SCAF8: variants seen among roughly 807,000 people sequenced by gnomAD.
The protein encoded by SCAF8 is SR-related and CTD-associated factor 8.
Under a neutral mutation model 140.5 loss-of-function variants are expected in SCAF8, and 23 were observed. The ratio of observed to expected loss-of-function variants is 0.16; its 90% confidence interval spans 0.12 to 0.23. The LOEUF is 0.23. Among genes scored for constraint, SCAF8 ranks in the 10% least tolerant of loss-of-function variants. SCAF8 has a pLI of 1.00. For missense variants in SCAF8, 1,397 were observed against 1,555.7 expected (o/e 0.90, Z 1.72); for synonymous variants, 575 against 528.9 (o/e 1.09, Z -1.20).
intron 2 of SCAF8, among the ~76,000 whole-genome samples, chr6:154,776,242 G>T (rs1776913050): frequency 6.6e-6 from 1 of 151,466 alleles, no homozygotes; most frequent in Non-Finnish European, 1.5e-5. Flanking sequence ...GAAGCGTCTA[G>T]ACCAGTTGTT....
chr6:154,798,907 C>T (rs1777685804), intron 6 of SCAF8, among the ~76,000 whole-genome samples: 1 of 151,376 alleles, frequency 6.6e-6, no homozygotes, highest in Admixed American at 6.6e-5. Context: ...TGAAGCGATC[C>T]TCCCGCCTCA....
In SCAF8 at chr6:154,831,013, C is replaced by G; in HGVS notation, c.2232C>G (p.Ser744Arg). The G allele has an allele frequency of 1.9e-6, 3 of 1,614,060 alleles. No homozygotes were observed. Among genetic ancestry groups the G allele is most frequent in the Non-Finnish European group, 2.5e-6 (3 of 1,179,920 alleles). ...SLVIPGGSVA[S>R]NLATSALPAG... ...TTATACCAGGCGGTTCTGTTGCCAGCAATCTTGCTACTTCCGCTCTGCCAG... is the reference window on the plus strand; with the variant it reads ...TTATACCAGGCGGTTCTGTTGCCAGGAATCTTGCTACTTCCGCTCTGCCAG... The change falls in exon 19 of 20, where the codon AGC (serine) becomes AGG (arginine). Residue 744 changes from serine to arginine, a missense_variant. Transcript: ENST00000367178.
At chr6:154,805,561 CTT>C (rs555378273) in intron 9 of SCAF8, 75 bp downstream of exon 9, 928 of 482,580 alleles carry the variant, frequency 1.9e-3, no homozygotes, top group South Asian at 4.7e-3. Context: ...TGTGGGTTGG[CTT>C]TTTTTTTTTT....
At chr6:154,822,843 A>G (rs372052594) in intron 16 of SCAF8, among the ~76,000 whole-genome samples, 2 of 152,210 alleles carry the variant, frequency 1.3e-5, no homozygotes, top group Non-Finnish European at 2.9e-5. Flanking sequence ...TCTTCTAGGT[A>G]TCAGTGAAAA....
intron 4 of SCAF8, among the ~76,000 whole-genome samples, chr6:154,789,697 C>T (rs1777358978): frequency 1.3e-5 from 2 of 152,010 alleles, no homozygotes; most frequent in South Asian, 4.1e-4. Context: ...AGGCTTATGC[C>T]ACCCTGCCCA....
At chr6:154,823,980 A>C (rs1258835062) in intron 16 of SCAF8, among the ~76,000 whole-genome samples, 1 of 152,192 alleles carries the variant, frequency 6.6e-6, no homozygotes, top group Non-Finnish European at 1.5e-5. Flanking sequence ...GTGTTGAACT[A>C]GGTGACCATT....
At chr6:154,744,613 G>T (rs1778651298) in intron 1 of SCAF8, among the ~76,000 whole-genome samples, 1 of 152,098 alleles carries the variant, frequency 6.6e-6, no homozygotes, top group South Asian at 2.1e-4. Flanking sequence ...ATTAGAGCAG[G>T]GATTAGAAGG....
At chr6:154,790,930 G>A (rs1277303358) in intron 4 of SCAF8, among the ~76,000 whole-genome samples, 3 of 152,122 alleles carry the variant, frequency 2.0e-5, no homozygotes, top group Non-Finnish European at 4.4e-5. Flanking sequence ...TTAAACAGTT[G>A]TGAATCAGAT....
At position 154,733,529 on chromosome 6, in the gene SCAF8, G is replaced by A. The variant is rs1269918904; in HGVS notation, c.-372G>A. 11 of 1,303,994 alleles carry A rather than the reference G, an allele frequency of 8.4e-6. No individual in the cohort carries two copies. Among genetic ancestry groups the A allele is most frequent in the Non-Finnish European group, 9.7e-6 (10 of 1,025,962 alleles). The allele number at this position is 1,303,994 out of a possible 1,614,324, so 80.8% of individuals were successfully genotyped here. On this transcript the variant is annotated 5_prime_UTR_variant, in exon 1 of 20. Transcript: ENST00000367178. ...GTGAAACAGGAGCCCGTCGGAGGAAGGGGCAGAAGGGAGTGGAGAGTGTAG... is the reference window on the plus strand; with the variant it reads ...GTGAAACAGGAGCCCGTCGGAGGAAAGGGCAGAAGGGAGTGGAGAGTGTAG...
rs143540866 is a variant in SCAF8, at chr6:154,832,550, G to C, written c.2971G>C (p.Val991Leu). The part of the protein sequence containing the change: ...RPFLAPGRQS[V>L]DNVTNPEKRI... The stretch of plus-strand genomic sequence containing the variant: ...TTTTTTAGCTCCTGGAAGACAAAGC[G>C]TAGACAATGTTACTAACCCAGAAAA... Residue 991 changes from valine (V) to leucine (L), a missense_variant, in exon 20 of 20, where the codon GTA (valine) becomes CTA (leucine). Around this residue, in one of 5 missense-constraint regions of SCAF8, gnomAD observed 930 missense variants for 874.6 expected, o/e 1.06. Coordinates refer to ENST00000367178, the MANE Select transcript of SCAF8 (RefSeq NM_014892.5). The C allele has an allele frequency of 2.3e-4, 378 of 1,613,976 alleles. No individual in the cohort carries two copies. Among genetic ancestry groups the C allele is most frequent in the Non-Finnish European group, 3.1e-4 (360 of 1,180,016 alleles).
chr6:154,746,157 A>G (rs1327681664), intron 1 of SCAF8, among the ~76,000 whole-genome samples: 2 of 152,144 alleles, frequency 1.3e-5, no homozygotes, highest in East Asian at 3.9e-4. Context: ...AAGTGCTGGG[A>G]TTACAGGTTT....
intron 3 of SCAF8, among the ~76,000 whole-genome samples, chr6:154,781,404 G>A (rs895399749): frequency 6.6e-6 from 1 of 152,114 alleles, no homozygotes; most frequent in African/African-American, 2.4e-5. Context: ...CGTGAACATG[G>A]CCATACTGCC....
At chr6:154,742,168 G>A (rs958016394) in intron 1 of SCAF8, 1 of 529,904 alleles carries the variant, frequency 1.9e-6, no homozygotes, top group Non-Finnish European at 3.3e-6. Context: ...TTAAAAGAGA[G>A]CGTCTAGGGA....
chr6:154,817,186 G>C (rs890460350), intron 13 of SCAF8, among the ~76,000 whole-genome samples: 7 of 152,214 alleles, frequency 4.6e-5, no homozygotes, highest in South Asian at 4.2e-4. Context: ...TGAAAAATTA[G>C]GGATGCCCAT....
At chr6:154,777,418 A>G (rs751190971) in intron 2 of SCAF8, among the ~76,000 whole-genome samples, 9 of 152,188 alleles carry the variant, frequency 5.9e-5, no homozygotes, top group African/African-American at 1.9e-4. Flanking sequence ...TTTAATCTAC[A>G]TGTTCACTTC....
intron 7 of SCAF8, among the ~76,000 whole-genome samples, chr6:154,802,602 G>A (rs1777802419): frequency 6.6e-6 from 1 of 150,594 alleles, no homozygotes; most frequent in Non-Finnish European, 1.5e-5. Flanking sequence ...GGGTGACAGA[G>A]AAAGACTCTT....
At chr6:154,783,251 C>T (rs1013590895) in intron 3 of SCAF8, among the ~76,000 whole-genome samples, 1 of 152,116 alleles carries the variant, frequency 6.6e-6, no homozygotes, top group South Asian at 2.1e-4. Context: ...TGCATGAGTA[C>T]TACAAGCAAA....
intron 17 of SCAF8, among the ~76,000 whole-genome samples, chr6:154,825,982 TC>T (rs1307249848): frequency 1.3e-5 from 2 of 152,198 alleles, no homozygotes; most frequent in African/African-American, 4.8e-5. Context: ...GCATTTGAAT[TC>T]ATGAATTATT....
At chr6:154,790,668 G>A (rs751358899) in intron 4 of SCAF8, among the ~76,000 whole-genome samples, 6 of 151,510 alleles carry the variant, frequency 4.0e-5, no homozygotes, top group Non-Finnish European at 8.8e-5. Flanking sequence ...CCACCACCAC[G>A]CCTGGCTAAT....
Sources: gnomAD v4.1 joint callset for allele counts (sites outside exome capture counted in the v4.1 genomes callset) on GRCh38, gnomAD v4.1.1 for gene constraint, gnomAD v4.1.1 regional missense constraint, MANE v1.5 for transcripts, NCBI Gene and HGNC (gene_info 2026-07-23, HGNC 2026-07-21) for gene names.